XIRP2: variants seen among roughly 807,000 people sequenced by gnomAD.
XIRP2 encodes xin actin binding repeat containing 2.
XIRP2 carries 236 observed loss-of-function variants against 277.0 expected under a neutral mutation model. The observed-to-expected ratio is 0.85, with a 90% confidence interval of 0.77 to 0.95. The LOEUF (loss-of-function observed/expected upper bound fraction) is 0.95, where lower values mean the gene tolerates loss of function less well. XIRP2 is among the 40% of genes least tolerant of loss of function. The pLI, the probability that XIRP2 is intolerant of heterozygous loss-of-function variation, is 0.00. For synonymous variants in XIRP2, 1,490 were observed against 1,416.5 expected (o/e 1.05, Z -1.17); for missense variants, 4,640 against 4,157.5 (o/e 1.12, Z -3.19).
intron 3 of XIRP2, among the ~76,000 whole-genome samples, chr2:167,137,774 C>A (rs1377010852): frequency 6.6e-6 from 1 of 152,102 alleles, no homozygotes; most frequent in African/African-American, 2.4e-5. Flanking sequence ...ATTGCATCTG[C>A]AAGGTGGATG....
At chr2:166,979,369 CTTTTTTT>C (rs66909002) in intron 2 of XIRP2, among the ~76,000 whole-genome samples, 1 of 108,524 alleles carries the variant, frequency 9.2e-6, no homozygotes, top group Non-Finnish European at 1.9e-5. Flanking sequence ...CTTTTCTTTT[CTTTTTTT>C]TTTTTTTTTT....
chr2:166,944,714 T>C (rs1035244540), intron 2 of XIRP2, among the ~76,000 whole-genome samples: 1 of 152,200 alleles, frequency 6.6e-6, no homozygotes, highest in Non-Finnish European at 1.5e-5. Flanking sequence ...CTTTTTATGT[T>C]TTAACTCATT....
At position 167,079,735 on chromosome 2, in the gene XIRP2, T is replaced by C. The variant is rs544484448; in HGVS notation, c.409-56174T>C. ...TCTTTGGATTTTCTCTTTTTTGCTCTGTTAATCTAGCTAGTGGTCTATCTA... is the reference window on the plus strand; with the variant it reads ...TCTTTGGATTTTCTCTTTTTTGCTCCGTTAATCTAGCTAGTGGTCTATCTA... On this transcript the variant is annotated intron_variant, in intron 2 of 10. Transcript: ENST00000409195. Among the ~76,000 whole-genome samples the C allele has an allele frequency of 4.6e-4, 70 of 151,954 alleles. 1 individual carries two copies. Among genetic ancestry groups the C allele is most frequent in the Non-Finnish European group, 7.6e-4 (52 of 67,996 alleles).
At chr2:167,015,890 A>G (rs1687814047) in intron 2 of XIRP2, among the ~76,000 whole-genome samples, 1 of 151,606 alleles carries the variant, frequency 6.6e-6, no homozygotes, top group Non-Finnish European at 1.5e-5. Context: ...AATATTATAT[A>G]GAATTTATAT....
Position 167,248,690 on chromosome 2 carries a change from T to A in XIRP2, c.7298T>A (p.Ile2433Lys). Residue 2433 changes from isoleucine to lysine, a missense_variant, in exon 9 of 11, where the codon ATA becomes AAA. By Grantham distance (102) the Ile-to-Lys change is moderately radical. Transcript: ENST00000409195. ...TLPKPKLPKHIKDNKNDFSPK... is the reference protein window; with the variant it reads ...TLPKPKLPKHKKDNKNDFSPK... ...CCCAAACCCAAACTTCCCAAGCATA[T>A]AAAAGATAATAAGAACGATTTTTCC... is the stretch of plus-strand genomic sequence containing the variant. The A allele has an allele frequency of 1.2e-6, 2 of 1,613,608 alleles. No homozygotes were observed. The highest frequency in any genetic ancestry group is 1.7e-6 in the Non-Finnish European group (2 of 1,179,782).
At chr2:166,981,688 A>G (rs1686873604) in intron 2 of XIRP2, among the ~76,000 whole-genome samples, 1 of 152,126 alleles carries the variant, frequency 6.6e-6, no homozygotes, top group Non-Finnish European at 1.5e-5. Flanking sequence ...GGCATGAGCC[A>G]CCGCACCCAG....
At chr2:167,009,145 G>A (rs1380028863) in intron 2 of XIRP2, among the ~76,000 whole-genome samples, 2 of 151,566 alleles carry the variant, frequency 1.3e-5, no homozygotes, top group Non-Finnish European at 2.9e-5. Flanking sequence ...CATGTGCCCT[G>A]CTGGTGTGCT....
At position 167,249,096 on chromosome 2, in the gene XIRP2, C is replaced by T. The variant is rs774948943; in HGVS notation, c.7704C>T (p.Tyr2568=). 2 of 1,613,622 alleles carry T rather than the reference C, an allele frequency of 1.2e-6. No homozygotes were observed. The highest frequency in any genetic ancestry group is 1.3e-5 in the African/African-American group (1 of 74,932). ...IEKQKQESSY[Y]NIVKTQSQNQ... is the part of the protein sequence containing the mutation. ...AACAGAAACAGGAGAGTTCTTACTA[C>T]AACATTGTTAAAACTCAAAGCCAAA... The change falls in exon 9 of 11, where the codon TAC becomes TAT. Residue 2568 remains tyrosine, a synonymous_variant. Coordinates refer to ENST00000409195, the MANE Select transcript of XIRP2 (RefSeq NM_152381.6).
intron 2 of XIRP2, among the ~76,000 whole-genome samples, chr2:167,019,277 A>C (rs561788184): frequency 6.6e-6 from 1 of 152,178 alleles, no homozygotes; most frequent in Admixed American, 6.6e-5. Context: ...CAATTATACA[A>C]AAAGAAAAAC....
At chr2:166,956,773 C>T (rs928387282) in intron 2 of XIRP2, among the ~76,000 whole-genome samples, 4 of 151,662 alleles carry the variant, frequency 2.6e-5, no homozygotes, top group Non-Finnish European at 2.9e-5. Flanking sequence ...AGAATAAACA[C>T]CCAAAGATTC....
intron 2 of XIRP2, among the ~76,000 whole-genome samples, chr2:167,040,550 G>C (rs1449145804): frequency 6.6e-6 from 1 of 152,142 alleles, no homozygotes; most frequent in Non-Finnish European, 1.5e-5. Flanking sequence ...CAGAAATCCA[G>C]CCTGCAAAGA....
At chr2:166,903,916 A>ATGTTTACATATGACTG in intron 2 of XIRP2, 26 bp downstream of exon 2, 1 of 1,588,738 alleles carries the variant, frequency 6.3e-7, no homozygotes, top group Non-Finnish European at 8.6e-7. Flanking sequence ...TTGAGAGTCT[A>ATGTTTACATATGACTG]TGTTTACATA....
In XIRP2 at chr2:166,954,379, C is replaced by T. The variant is rs529282757; in HGVS notation, c.408+50489C>T. On this transcript the variant is annotated intron_variant, in intron 2 of 10. Transcript: ENST00000409195. ...AAAACCACAGTGAGATACCATCTCA[C>T]GCCAGTCAGAATGGCAATTATTAAA... Among the ~76,000 whole-genome samples, 5 of 151,954 alleles carry T rather than the reference C, an allele frequency of 3.3e-5. 1 individual carries two copies. The South Asian group carries it at 6.2e-4, about 19-fold the overall frequency.
intron 2 of XIRP2, among the ~76,000 whole-genome samples, chr2:166,955,439 A>G (rs1226966660): frequency 6.6e-6 from 1 of 151,830 alleles, no homozygotes; most frequent in African/African-American, 2.4e-5. Flanking sequence ...GAGGATTAAC[A>G]GTAAATAAAT....
chr2:167,063,338 G>T (rs995646129), intron 2 of XIRP2, among the ~76,000 whole-genome samples: 1 of 151,870 alleles, frequency 6.6e-6, no homozygotes, highest in Non-Finnish European at 1.5e-5. Flanking sequence ...GGTTTATTTT[G>T]CAGAAAGTTT....
intron 3 of XIRP2, among the ~76,000 whole-genome samples, chr2:167,154,405 T>A (rs59378974): frequency 0.091 from 13,687 of 150,964 alleles, 1,254 homozygotes; most frequent in African/African-American, 0.23. Context: ...AGAAGCTCTT[T>A]AGTTTAATTA....
intron 2 of XIRP2, 107 bp downstream of exon 2, chr2:166,903,997 A>G: frequency 7.5e-7 from 1 of 1,326,332 alleles, no homozygotes; most frequent in Non-Finnish European, 1.0e-6. Context: ...TTCTAGACAG[A>G]TGTCCTGAAG....
At chr2:167,155,186 A>G (rs1173014011) in intron 3 of XIRP2, among the ~76,000 whole-genome samples, 1 of 150,764 alleles carries the variant, frequency 6.6e-6, no homozygotes, top group Non-Finnish European at 1.5e-5. Flanking sequence ...AACTGGTACC[A>G]TTCCTTCTGA....
At chr2:167,142,719 A>G (rs190150338) in intron 3 of XIRP2, among the ~76,000 whole-genome samples, 1 of 152,224 alleles carries the variant, frequency 6.6e-6, no homozygotes, top group Non-Finnish European at 1.5e-5. Context: ...GGCATGGCTC[A>G]TGTGACTGTC....
Sources: allele counts gnomAD v4.1 joint callset (sites outside exome capture counted in the v4.1 genomes callset), GRCh38; gene constraint gnomAD v4.1.1; transcripts MANE v1.5; gene names NCBI Gene and HGNC (gene_info 2026-07-23, HGNC 2026-07-21).